Variants in SYNPR observed in about 807,000 individuals in gnomAD.
SYNPR encodes synaptoporin.
A neutral mutation model predicts 32.9 loss-of-function variants in SYNPR; 23 were observed. The ratio of observed to expected loss-of-function variants is 0.70; its 90% CI spans 0.50 to 0.99. SYNPR has a LOEUF of 0.99. Among genes scored for constraint, SYNPR ranks in the 50% least tolerant of loss-of-function variants. SYNPR has a pLI of 0.00. For synonymous variants in SYNPR, 146 were observed against 135.9 expected (o/e 1.07, Z -0.52); for missense variants, 318 against 349.3 (o/e 0.91, Z 0.71).
intron 3 of SYNPR, among the ~76,000 whole-genome samples, chr3:63,508,474 A>T (rs987593315): frequency 6.6e-5 from 10 of 152,154 alleles, no homozygotes; most frequent in African/African-American, 2.4e-4. Flanking sequence ...CTGGTGATGT[A>T]AAGTGACTCA....
At chr3:63,594,716 A>C (rs1274519214) in intron 4 of SYNPR, among the ~76,000 whole-genome samples, 1 of 151,856 alleles carries the variant, frequency 6.6e-6, no homozygotes, top group Non-Finnish European at 1.5e-5. Flanking sequence ...GGCAGCTCTC[A>C]TCATCATCAC....
At chr3:63,306,925 A>G (rs1228516065) in intron 2 of SYNPR, among the ~76,000 whole-genome samples, 2 of 152,014 alleles carry the variant, frequency 1.3e-5, no homozygotes, top group East Asian at 1.9e-4. Flanking sequence ...CAAAATTTAC[A>G]TTCTCCTTGG....
rs1700533348 is a variant in SYNPR at position 63,458,975 on chromosome 3, T to C, written c.85-21857T>C. Among the ~76,000 whole-genome samples, 5 of 152,156 alleles carry C rather than the reference T, an allele frequency of 3.3e-5. No homozygotes were observed. In the South Asian group the frequency reaches 6.2e-4, roughly 19 times the overall value. On this transcript the variant is annotated intron_variant, in intron 2 of 5. Coordinates refer to ENST00000478300, the MANE Select transcript of SYNPR (RefSeq NM_001130003.2). The stretch of plus-strand genomic sequence containing the variant: ...CCAAAACCACCAAATGCTATAAGAA[T>C]CCTTCTGAAGTATCTCTCTATCTCT...
At chr3:63,261,778 CA>C (rs1488309605) in intron 2 of SYNPR, among the ~76,000 whole-genome samples, 2 of 149,206 alleles carry the variant, frequency 1.3e-5, no homozygotes, top group African/African-American at 2.5e-5. Context: ...ATCGCAAGGA[CA>C]AAAAACCAAA....
chr3:63,604,462 T>C (rs1035253575), intron 4 of SYNPR, among the ~76,000 whole-genome samples: 2 of 152,136 alleles, frequency 1.3e-5, no homozygotes, highest in African/African-American at 4.8e-5. Context: ...TCTTTGTAAC[T>C]TTTTGATGTG....
chr3:63,472,017 C>T (rs1026569686), intron 2 of SYNPR, among the ~76,000 whole-genome samples: 2 of 152,166 alleles, frequency 1.3e-5, no homozygotes, highest in Non-Finnish European at 2.9e-5. Flanking sequence ...CGGCAGCCTG[C>T]GATGCTGCGG....
chr3:63,332,306 T>C (rs2087239381), intron 2 of SYNPR, among the ~76,000 whole-genome samples: 1 of 152,210 alleles, frequency 6.6e-6, no homozygotes, highest in Admixed American at 6.5e-5. Context: ...CTGACTGTGC[T>C]CTGCCACCCT....
intron 3 of SYNPR, among the ~76,000 whole-genome samples, chr3:63,494,496 T>C (rs11130936): frequency 0.17 from 16,830 of 100,154 alleles, 2,379 homozygotes; most frequent in East Asian, 0.32. Flanking sequence ...TACATATATA[T>C]ACATATATAC....
chr3:63,318,514 T>C (rs766605675), intron 2 of SYNPR, among the ~76,000 whole-genome samples: 10 of 152,030 alleles, frequency 6.6e-5, no homozygotes, highest in Non-Finnish European at 1.2e-4. Flanking sequence ...CTTTGAGCTG[T>C]GAATTTCTCT....
At chr3:63,378,880 T>C (rs1030627326) in intron 2 of SYNPR, among the ~76,000 whole-genome samples, 2 of 152,044 alleles carry the variant, frequency 1.3e-5, no homozygotes, top group Admixed American at 1.3e-4. Context: ...AAAGTTTAGA[T>C]TACTGATTTA....
chr3:63,368,734 A>G (rs1310260307), intron 2 of SYNPR, among the ~76,000 whole-genome samples: 1 of 152,230 alleles, frequency 6.6e-6, no homozygotes, highest in African/African-American at 2.4e-5. Flanking sequence ...CAGGAAAGAT[A>G]GAATGAAAAA....
At position 63,615,976 on chromosome 3, in the gene SYNPR, C is replaced by A. The variant is rs1700273336; in HGVS notation, c.*495C>A. 1 of 151,960 alleles carries A rather than the reference C, an allele frequency of 6.6e-6. No homozygotes were observed. Among genetic ancestry groups the A allele is most frequent in the Non-Finnish European group, 1.5e-5 (1 of 68,064 alleles). 9.4% of individuals were successfully genotyped at this position (151,960 alleles called of 1,614,324 possible). A position where few individuals can be genotyped will look rare whatever the true frequency, so the allele number is the denominator to read the frequency against. On this transcript the variant is annotated 3_prime_UTR_variant, in exon 6 of 6. Coordinates refer to ENST00000478300, the MANE Select transcript of SYNPR (RefSeq NM_001130003.2). ...AAGTTATTTGTTTCAGAAAATTATT[C>A]TTTTTTTATGTGATAAATCATATGA...
chr3:63,289,029 A>G (rs2086713587), intron 2 of SYNPR, among the ~76,000 whole-genome samples: 1 of 152,184 alleles, frequency 6.6e-6, no homozygotes, highest in Admixed American at 6.5e-5. Context: ...GAGGACCATA[A>G]GAGTCATGTC....
chr3:63,490,138 A>G (rs1701232342), intron 3 of SYNPR, among the ~76,000 whole-genome samples: 2 of 152,232 alleles, frequency 1.3e-5, no homozygotes, highest in Admixed American at 1.3e-4. Context: ...GAATTAGGAG[A>G]GGGAGAGCCT....
chr3:63,598,624 G>T (rs1016966404), intron 4 of SYNPR, among the ~76,000 whole-genome samples: 1 of 152,086 alleles, frequency 6.6e-6, no homozygotes, highest in African/African-American at 2.4e-5. Context: ...TAATACTCCT[G>T]GCCGCAGTTT....
chr3:63,593,738 A>G (rs1699880944), intron 4 of SYNPR, among the ~76,000 whole-genome samples: 1 of 152,206 alleles, frequency 6.6e-6, no homozygotes, highest in African/African-American at 2.4e-5. Context: ...ACCTTGTAAC[A>G]GAAGAACATC....
chr3:63,349,645 T>A (rs574584743), intron 2 of SYNPR, among the ~76,000 whole-genome samples: 1 of 152,334 alleles, frequency 6.6e-6, no homozygotes, highest in African/African-American at 2.4e-5. Context: ...ACTGATTTTG[T>A]GTATGTTGAT....
chr3:63,274,470 C>G (rs1237370727), upstream of SYNPR, among the ~76,000 whole-genome samples: 2 of 151,626 alleles, frequency 1.3e-5, no homozygotes, highest in East Asian at 1.9e-4. Flanking sequence ...CAGATTGGTA[C>G]TTTGGTTTGT....
chr3:63,553,573 G>A (rs1380332618), intron 3 of SYNPR, among the ~76,000 whole-genome samples: 2 of 152,184 alleles, frequency 1.3e-5, no homozygotes, highest in Non-Finnish European at 2.9e-5. Context: ...AGTCTTGTCA[G>A]CATCTGTTGG....
Sources: allele counts gnomAD v4.1 joint callset (sites outside exome capture counted in the v4.1 genomes callset), GRCh38; gene constraint gnomAD v4.1.1; transcripts MANE v1.5; gene names NCBI Gene and HGNC (gene_info 2026-07-23, HGNC 2026-07-21).